Variants in PHACTR1 observed in about 807,000 individuals in gnomAD.
PHACTR1 encodes RPEL repeat containing 1.
A neutral mutation model predicts 69.2 loss-of-function variants in PHACTR1; 16 were observed. The ratio of observed to expected loss-of-function variants is 0.23; its 90% CI spans 0.16 to 0.35. The LOEUF is 0.35. PHACTR1 is among the 10% of genes least tolerant of loss of function. The pLI, the probability that PHACTR1 is intolerant of heterozygous loss-of-function variation, is 1.00. For synonymous variants in PHACTR1, 312 were observed against 284.5 expected (o/e 1.10, Z -0.97); for missense variants, 510 against 734.7 (o/e 0.69, Z 3.54).
chr6:13,281,383 A>C (rs774750094), intron 12 of PHACTR1: 5 of 324,292 alleles, frequency 1.5e-5, no homozygotes, highest in South Asian at 7.2e-5. Context: ...GCGAAACCCT[A>C]TCTCTATTAA....
chr6:12,987,850 A>T (rs1176697295), intron 4 of PHACTR1, among the ~76,000 whole-genome samples: 1 of 152,226 alleles, frequency 6.6e-6, no homozygotes, highest in Non-Finnish European at 1.5e-5. Context: ...TAAAGTCCTG[A>T]TGATAACTAT....
At chr6:12,980,496 G>T (rs1795388550) in intron 4 of PHACTR1, among the ~76,000 whole-genome samples, 1 of 152,058 alleles carries the variant, frequency 6.6e-6, no homozygotes, top group Non-Finnish European at 1.5e-5. Context: ...AAATAGCACG[G>T]TGACTTGCAC....
chr6:12,759,759 G>T (rs958147631), intron 4 of PHACTR1, among the ~76,000 whole-genome samples: 6 of 152,184 alleles, frequency 3.9e-5, no homozygotes, highest in Non-Finnish European at 8.8e-5. Flanking sequence ...AAAGGCAAAA[G>T]GACCTAGGAC....
intron 5 of PHACTR1, among the ~76,000 whole-genome samples, chr6:13,075,819 C>T (rs1810369950): frequency 1.3e-5 from 2 of 152,080 alleles, no homozygotes; most frequent in Non-Finnish European, 2.9e-5. Flanking sequence ...AGGTCATATG[C>T]CAAATGATCT....
intron 5 of PHACTR1, among the ~76,000 whole-genome samples, chr6:13,100,494 A>C (rs1004659649): frequency 1.3e-5 from 2 of 152,112 alleles, no homozygotes; most frequent in Admixed American, 1.3e-4. Flanking sequence ...TCACCTCCAA[A>C]ACTCTCTGTC....
chr6:12,912,357 G>T (rs1209335673), intron 4 of PHACTR1, among the ~76,000 whole-genome samples: 1 of 152,146 alleles, frequency 6.6e-6, no homozygotes, highest in Non-Finnish European at 1.5e-5. Flanking sequence ...GACCCTATTT[G>T]TAACACTAAT....
At chr6:13,213,083 T>C (rs896732740) in intron 8 of PHACTR1, among the ~76,000 whole-genome samples, 1 of 149,212 alleles carries the variant, frequency 6.7e-6, no homozygotes, top group Non-Finnish European at 1.5e-5. Context: ...GCCTGGCTTA[T>C]AGGTTTGAGT....
intron 6 of PHACTR1, among the ~76,000 whole-genome samples, chr6:13,168,847 G>T (rs1039700060): frequency 6.6e-6 from 1 of 152,188 alleles, no homozygotes; most frequent in Non-Finnish European, 1.5e-5. Context: ...GAAAGGGGGA[G>T]TCAGGACAGA....
intron 4 of PHACTR1, among the ~76,000 whole-genome samples, chr6:12,816,204 G>A (rs772848627): frequency 2.8e-4 from 43 of 152,184 alleles, no homozygotes; most frequent in Non-Finnish European, 5.6e-4. Flanking sequence ...TTAATGTATC[G>A]CCTTAATGTA....
intron 4 of PHACTR1, among the ~76,000 whole-genome samples, chr6:12,921,482 A>AGGAGGGAAGGAAGGAG (rs1554168120): frequency 7.4e-6 from 1 of 134,656 alleles, no homozygotes; most frequent in African/African-American, 2.9e-5. Flanking sequence ...GAAGGAAGGA[A>AGGAGGGAAGGAAGGAG]GGAGGGAAGG....
intron 4 of PHACTR1, among the ~76,000 whole-genome samples, chr6:12,922,090 G>A (rs539569314): frequency 1.3e-5 from 2 of 152,278 alleles, no homozygotes; most frequent in South Asian, 4.2e-4. Context: ...ACATCTGTGA[G>A]CTACTTTTAT....
At chr6:13,034,407 T>C (rs1802977487) in intron 4 of PHACTR1, among the ~76,000 whole-genome samples, 1 of 152,216 alleles carries the variant, frequency 6.6e-6, no homozygotes, top group Non-Finnish European at 1.5e-5. Context: ...CGCAGTTTGT[T>C]GGAGAAACCT....
chr6:13,233,881 A>C (rs1196159133), intron 10 of PHACTR1, among the ~76,000 whole-genome samples: 1 of 152,190 alleles, frequency 6.6e-6, no homozygotes, highest in Non-Finnish European at 1.5e-5. Flanking sequence ...TCACTCTTTC[A>C]ACTAGGGAGT....
At chr6:13,146,256 G>A (rs1181678771) in intron 5 of PHACTR1, among the ~76,000 whole-genome samples, 1 of 152,222 alleles carries the variant, frequency 6.6e-6, no homozygotes, top group Non-Finnish European at 1.5e-5. Context: ...TGTTACCATG[G>A]TGATAATGGG....
chr6:13,113,069 TC>T (rs1200002156), intron 5 of PHACTR1, among the ~76,000 whole-genome samples: 6 of 152,086 alleles, frequency 3.9e-5, no homozygotes, highest in Admixed American at 3.9e-4. Flanking sequence ...AAGGAAGGTG[TC>T]CAATTTCAGT....
At chr6:12,803,539 C>T (rs934032308) in intron 4 of PHACTR1, among the ~76,000 whole-genome samples, 5 of 152,228 alleles carry the variant, frequency 3.3e-5, no homozygotes, top group African/African-American at 1.2e-4. Context: ...ATACTTCTTG[C>T]ACTCTTAGAG....
At chr6:13,209,516 A>G (rs7742555) in intron 8 of PHACTR1, among the ~76,000 whole-genome samples, 2,834 of 152,348 alleles carry the variant, frequency 0.019, 87 homozygotes, top group African/African-American at 0.062. Flanking sequence ...ACCATAGGCC[A>G]TCGGTCCAGA....
intron 7 of PHACTR1, chr6:13,185,110 G>T: frequency 1.1e-6 from 1 of 916,404 alleles, no homozygotes; most frequent in East Asian, 6.1e-5. Context: ...TCTCTGGGGA[G>T]GTTGCCCTGT....
intron 4 of PHACTR1, among the ~76,000 whole-genome samples, chr6:13,003,240 A>T (rs1798302409): frequency 6.6e-6 from 1 of 152,172 alleles, no homozygotes; most frequent in Non-Finnish European, 1.5e-5. Flanking sequence ...ATATATGTTG[A>T]TTTATTATCT....
Sources: gnomAD v4.1 joint callset for allele counts (sites outside exome capture counted in the v4.1 genomes callset) on GRCh38, gnomAD v4.1.1 for gene constraint, MANE v1.5 for transcripts, NCBI Gene and HGNC (gene_info 2026-07-23, HGNC 2026-07-21) for gene names.